The following SPAG16 variants were observed in gnomAD, a reference collection of about 807,000 sequenced individuals.
SPAG16 encodes sperm associated antigen 16.
SPAG16 carries 86 observed loss-of-function variants against 80.4 expected under a neutral mutation model. The observed-to-expected ratio is 1.07, with a 90% CI of 0.90 to 1.28. The LOEUF (loss-of-function observed/expected upper bound fraction) is 1.28. Among genes scored for constraint, SPAG16 ranks in the 50% most tolerant of loss-of-function variants. SPAG16 has a pLI of 0.00. For synonymous variants in SPAG16, 294 were observed against 265.9 expected, an observed-to-expected ratio of 1.11 and a Z score of -1.03; for missense variants, 870 against 765.3, an observed-to-expected ratio of 1.14 and a Z score of -1.61.
At chr2:214,143,023 C>G (rs2055441243) in intron 14 of SPAG16, among the ~76,000 whole-genome samples, 1 of 152,122 alleles carries the variant, frequency 6.6e-6, no homozygotes, top group Admixed American at 6.6e-5. Context: ...TCCTCAAACT[C>G]TTCAAGGCCT....
intron 15 of SPAG16, among the ~76,000 whole-genome samples, chr2:214,158,593 G>T (rs547428973): frequency 8.6e-5 from 13 of 151,942 alleles, no homozygotes; most frequent in Non-Finnish European, 1.3e-4. Flanking sequence ...AATCAGAGCC[G>T]AAAAATAACT....
At chr2:213,943,207 G>T (rs1395779137) in intron 12 of SPAG16, among the ~76,000 whole-genome samples, 2 of 152,184 alleles carry the variant, frequency 1.3e-5, no homozygotes, top group Non-Finnish European at 2.9e-5. Flanking sequence ...GTACTTAGAA[G>T]TGGAGTGCTA....
At chr2:213,581,916 A>G (rs2060310024) in intron 10 of SPAG16, among the ~76,000 whole-genome samples, 1 of 151,948 alleles carries the variant, frequency 6.6e-6, no homozygotes, top group African/African-American at 2.4e-5. Flanking sequence ...GAGCCACAAG[A>G]TTTCCTTTTT....
intron 14 of SPAG16, among the ~76,000 whole-genome samples, chr2:214,144,858 A>G (rs2055556668): frequency 6.6e-6 from 1 of 152,136 alleles, no homozygotes; most frequent in African/African-American, 2.4e-5. Flanking sequence ...TGAAGGTTCA[A>G]ACTACAATCA....
At chr2:213,846,274 C>T (rs1035771702) in intron 10 of SPAG16, among the ~76,000 whole-genome samples, 3 of 151,926 alleles carry the variant, frequency 2.0e-5, no homozygotes, top group Non-Finnish European at 2.9e-5. Flanking sequence ...AGATTGAGAA[C>T]TTATAAGTAC....
intron 10 of SPAG16, among the ~76,000 whole-genome samples, chr2:213,606,315 G>A (rs531484360): frequency 6.6e-6 from 1 of 152,222 alleles, no homozygotes; most frequent in East Asian, 1.9e-4. Context: ...ACATGTTCAG[G>A]CATATTATAT....
At chr2:213,564,847 A>G (rs2059709300) in intron 10 of SPAG16, among the ~76,000 whole-genome samples, 1 of 152,188 alleles carries the variant, frequency 6.6e-6, no homozygotes, top group African/African-American at 2.4e-5. Context: ...CAATTAACAG[A>G]CTTGCCCAAG....
chr2:214,222,208 C>T lies in SPAG16; in HGVS notation c.1720+72942C>T, dbSNP rs60652223. On this transcript the variant is annotated intron_variant, in intron 15 of 15. Transcript: ENST00000331683. ...CTCGGCTCACTGCAACCCCCGCCTC[C>T]TGGGTTCAAGCGAGTCTCCTGACTC... is the stretch of plus-strand genomic sequence containing the variant. 8.5e-3 allele frequency among the ~76,000 whole-genome samples: 1,282 copies of T among 150,236 alleles called. 14 individuals are homozygous for T. Among genetic ancestry groups the T allele is most frequent in the African/African-American group, 0.029 (1,201 of 41,050 alleles).
chr2:214,213,774 G>A (rs1576510747), intron 15 of SPAG16, among the ~76,000 whole-genome samples: 1 of 152,070 alleles, frequency 6.6e-6, no homozygotes, highest in South Asian at 2.1e-4. Flanking sequence ...CTATCTACTG[G>A]GTATACTACT....
intron 13 of SPAG16, among the ~76,000 whole-genome samples, chr2:214,048,265 A>G (rs544509352): frequency 1.3e-5 from 2 of 152,228 alleles, no homozygotes; most frequent in Non-Finnish European, 2.9e-5. Flanking sequence ...AGCACTATTC[A>G]TGATAGCCAA....
chr2:214,024,269 A>G (rs992674192), intron 13 of SPAG16, among the ~76,000 whole-genome samples: 2 of 151,610 alleles, frequency 1.3e-5, no homozygotes, highest in Non-Finnish European at 3.0e-5. Flanking sequence ...GGGCTAAATC[A>G]TCTCAAAAAC....
At chr2:213,584,489 A>G (rs2060398773) in intron 10 of SPAG16, among the ~76,000 whole-genome samples, 1 of 151,870 alleles carries the variant, frequency 6.6e-6, no homozygotes, top group Non-Finnish European at 1.5e-5. Context: ...AATCTCAGTG[A>G]AAAAAAATCA....
intron 9 of SPAG16, among the ~76,000 whole-genome samples, chr2:213,486,475 A>T (rs1321437559): frequency 6.6e-6 from 1 of 152,172 alleles, no homozygotes; most frequent in African/African-American, 2.4e-5. Context: ...TGGTATATAT[A>T]CAATGGAATA....
At chr2:214,095,354 T>A (rs1231875454) in intron 13 of SPAG16, among the ~76,000 whole-genome samples, 1 of 152,094 alleles carries the variant, frequency 6.6e-6, no homozygotes, top group Non-Finnish European at 1.5e-5. Flanking sequence ...CCCTTTCATA[T>A]GCTCCACATG....
intron 11 of SPAG16, among the ~76,000 whole-genome samples, chr2:213,865,142 G>A (rs1010013087): frequency 2.6e-5 from 4 of 152,108 alleles, no homozygotes; most frequent in South Asian, 2.1e-4. Flanking sequence ...ATAATTAACA[G>A]TATATATTTA....
At chr2:213,603,145 G>A (rs2061126761) in intron 10 of SPAG16, among the ~76,000 whole-genome samples, 1 of 152,220 alleles carries the variant, frequency 6.6e-6, no homozygotes, top group Non-Finnish European at 1.5e-5. Flanking sequence ...GGCAGAGGCA[G>A]CCTCTATCTT....
At chr2:214,113,290 T>G (rs2053768494) in intron 14 of SPAG16, among the ~76,000 whole-genome samples, 1 of 152,170 alleles carries the variant, frequency 6.6e-6, no homozygotes, top group Admixed American at 6.5e-5. Context: ...CTGACAATTA[T>G]GTGTCTTGGG....
chr2:213,872,257 C>G (rs896058585), intron 11 of SPAG16, among the ~76,000 whole-genome samples: 1 of 152,090 alleles, frequency 6.6e-6, no homozygotes, highest in East Asian at 1.9e-4. Flanking sequence ...AGAACCAGCT[C>G]TTATAACACC....
At chr2:214,310,560 A>C (rs1468951427) in intron 15 of SPAG16, among the ~76,000 whole-genome samples, 1 of 152,054 alleles carries the variant, frequency 6.6e-6, no homozygotes, top group East Asian at 1.9e-4. Flanking sequence ...GGATATTGAG[A>C]TGATGTGTGG....
Sources: gnomAD v4.1 joint callset for allele counts (sites outside exome capture counted in the v4.1 genomes callset) on GRCh38, gnomAD v4.1.1 for gene constraint, MANE v1.5 for transcripts, NCBI Gene and HGNC (gene_info 2026-07-23, HGNC 2026-07-21) for gene names.